PDSS1: variants seen among roughly 807,000 people sequenced by gnomAD.
The protein encoded by PDSS1 is all trans-polyprenyl-diphosphate synthase PDSS1.
Under a neutral mutation model 57.5 loss-of-function variants are expected in PDSS1, and 43 were observed. That is an observed-to-expected ratio of 0.75 (90% CI 0.59 to 0.96). PDSS1 has a LOEUF of 0.96. Ranked by LOEUF, PDSS1 falls within the 50% of genes least tolerant of loss-of-function variation. PDSS1 has a pLI of 0.00. For synonymous variants in PDSS1, 175 were observed against 191.3 expected (o/e 0.91, Z 0.70); for missense variants, 438 against 527.8 (o/e 0.83, Z 1.67).
At chr10:26,701,961 G>T (rs1835065799) in intron 1 of PDSS1, 1 of 416,302 alleles carries the variant, frequency 2.4e-6, no homozygotes, top group African/African-American at 2.0e-5. Context: ...CTTTGCATCA[G>T]TGTGACCTAG....
At position 26,714,109 on chromosome 10, in the gene PDSS1, C is replaced by T. The variant is rs1346030377; in HGVS notation, c.467+4341C>T. Among the ~76,000 whole-genome samples, 5 of 152,254 alleles carry T rather than the reference C, an allele frequency of 3.3e-5. No individual in the cohort carries two copies. The East Asian group carries it at 7.7e-4, about 24-fold the overall frequency. On this transcript the variant is annotated intron_variant, in intron 5 of 11. Transcript: ENST00000376215. The stretch of plus-strand genomic sequence containing the variant: ...TTAAACTTCATCTCAGAGTCTGCCT[C>T]CTGCAGAACCTAACTTGCAACAGAG...
At chr10:26,727,412 C>G (rs1216306235) in intron 8 of PDSS1, among the ~76,000 whole-genome samples, 1 of 150,552 alleles carries the variant, frequency 6.6e-6, no homozygotes, top group South Asian at 2.1e-4. Context: ...GGCTCTCTTC[C>G]TATTACTTGA....
intron 5 of PDSS1, among the ~76,000 whole-genome samples, chr10:26,716,386 A>G (rs755225190): frequency 3.9e-5 from 6 of 152,062 alleles, no homozygotes; most frequent in Non-Finnish European, 8.8e-5. Flanking sequence ...GTATGTTTGA[A>G]ACTCTTCATT....
intron 5 of PDSS1, among the ~76,000 whole-genome samples, chr10:26,719,507 C>T (rs553131893): frequency 2.2e-4 from 33 of 152,360 alleles, no homozygotes; most frequent in African/African-American, 5.5e-4. Flanking sequence ...CGGTGGCTTA[C>T]GCCTGTAATC....
intron 8 of PDSS1, among the ~76,000 whole-genome samples, chr10:26,733,737 A>G (rs1001115222): frequency 2.6e-5 from 4 of 151,986 alleles, no homozygotes; most frequent in Non-Finnish European, 4.4e-5. Context: ...ACGCTTTGGG[A>G]GGTGGAGGTG....
At chr10:26,741,244 G>A (rs933889679) in intron 10 of PDSS1, among the ~76,000 whole-genome samples, 1 of 152,188 alleles carries the variant, frequency 6.6e-6, no homozygotes, top group Admixed American at 6.5e-5. Context: ...CAGCACTTGG[G>A]GAGGCTGAGG....
At chr10:26,721,099 A>G (rs554331106) in intron 6 of PDSS1, among the ~76,000 whole-genome samples, 1 of 152,242 alleles carries the variant, frequency 6.6e-6, no homozygotes, top group Non-Finnish European at 1.5e-5. Context: ...TGAGGTCAGG[A>G]GTTCGAGACC....
chr10:26,728,770 G>A (rs1299800611), intron 8 of PDSS1, among the ~76,000 whole-genome samples: 3 of 104,494 alleles, frequency 2.9e-5, no homozygotes, highest in Non-Finnish European at 3.8e-5. Flanking sequence ...ATTTTATTCT[G>A]TATCTTTTTT....
intron 11 of PDSS1, among the ~76,000 whole-genome samples, chr10:26,743,104 C>T (rs565798316): frequency 6.6e-6 from 1 of 152,360 alleles, no homozygotes; most frequent in East Asian, 1.9e-4. Context: ...GCAAACTATA[C>T]ATTTATATAA....
chr10:26,741,407 C>T (rs1240387626), intron 10 of PDSS1, among the ~76,000 whole-genome samples: 3 of 151,862 alleles, frequency 2.0e-5, no homozygotes, highest in Admixed American at 1.3e-4. Context: ...TGCTTGAACC[C>T]GGGAGGCAGA....
At position 26,710,223 on chromosome 10, in the gene PDSS1, A is replaced by G. The variant is rs1835379014; in HGVS notation, c.467+455A>G. ...GTTTAGATTCTGACTTTAAGTCACT[A>G]AAGTCACTCAGGAATCTAGTCTGGC... On this transcript the variant is annotated intron_variant, in intron 5 of 11. Coordinates refer to ENST00000376215, the MANE Select transcript of PDSS1 (RefSeq NM_014317.5). 2.2e-5 allele frequency among the ~76,000 whole-genome samples: 2 copies of G among 92,328 alleles called. 1 individual carries two copies. Among genetic ancestry groups the G allele is most frequent in the Non-Finnish European group, 4.9e-5 (2 of 40,718 alleles). The allele number at this position is 92,328 out of a possible 152,430, so 60.6% of individuals were successfully genotyped here. A position where few individuals can be genotyped will look rare whatever the true frequency, so the allele number is the denominator to read the frequency against.
At chr10:26,723,386 C>T (rs1399140110) in intron 6 of PDSS1, among the ~76,000 whole-genome samples, 1 of 152,130 alleles carries the variant, frequency 6.6e-6, no homozygotes, top group African/African-American at 2.4e-5. Context: ...AGTGAAGCTG[C>T]TCTCCCTCTC....
intron 10 of PDSS1, 96 bp downstream of exon 10, chr10:26,735,675 G>C (rs915907164): frequency 2.6e-6 from 2 of 756,664 alleles, no homozygotes; most frequent in Non-Finnish European, 4.8e-6. Context: ...TAAAGGAATA[G>C]ATGGGAAGGC....
rs75777586 is a variant in PDSS1 at position 26,738,920 on chromosome 10, T to G, written c.1026+3341T>G. ...CCCATGTACGTATGTGTACATATTC[T>G]CTTTAAGAATAAAAACCTCATGTTA... On this transcript the variant is annotated intron_variant, in intron 10 of 11. Coordinates refer to ENST00000376215, the MANE Select transcript of PDSS1 (RefSeq NM_014317.5). Among the ~76,000 whole-genome samples, 1,195 of 152,332 alleles carry G rather than the reference T, an allele frequency of 7.8e-3. 16 individuals carry two copies. The highest frequency in any genetic ancestry group is 0.028 in the African/African-American group (1,148 of 41,574).
intron 5 of PDSS1, among the ~76,000 whole-genome samples, chr10:26,714,002 C>T (rs553518246): frequency 6.6e-6 from 1 of 152,260 alleles, no homozygotes; most frequent in East Asian, 1.9e-4. Context: ...TCAGCTTCTC[C>T]TGCTACCCAG....
chr10:26,731,851 G>A (rs2132291732), intron 8 of PDSS1, among the ~76,000 whole-genome samples: 1 of 152,314 alleles, frequency 6.6e-6, no homozygotes. Flanking sequence ...GAGTGCAGTG[G>A]CACGATCTCG....
chr10:26,715,904 G>A (rs967574324), intron 5 of PDSS1: 2 of 151,382 alleles, frequency 1.3e-5, no homozygotes, highest in Non-Finnish European at 2.9e-5. Context: ...ATAAGCAATA[G>A]TGTGAACCCT....
At chr10:26,718,055 T>TG in intron 5 of PDSS1, 1 of 90,580 alleles carries the variant, frequency 1.1e-5, no homozygotes, top group Middle Eastern at 5.0e-3. Flanking sequence ...TTGGTTTTTT[T>TG]GTGTTTTTTT....
At chr10:26,714,292 G>A (rs891252211) in intron 5 of PDSS1, among the ~76,000 whole-genome samples, 1 of 152,042 alleles carries the variant, frequency 6.6e-6, no homozygotes, top group African/African-American at 2.4e-5. Context: ...TGGCCAACAT[G>A]GTGAAACCCC....
Sources: allele counts gnomAD v4.1 joint callset (sites outside exome capture counted in the v4.1 genomes callset), GRCh38; gene constraint gnomAD v4.1.1; transcripts MANE v1.5; gene names NCBI Gene and HGNC (gene_info 2026-07-23, HGNC 2026-07-21).